The following DPP6 variants were observed in gnomAD, a reference collection of about 807,000 sequenced individuals.
DPP6 encodes the protein A-type potassium channel modulatory protein DPP6.
DPP6 carries 69 observed loss-of-function variants against 122.6 expected under a neutral mutation model. That is an observed-to-expected ratio of 0.56 (90% CI 0.46 to 0.69). The LOEUF is 0.69. DPP6 is among the 30% of genes least tolerant of loss of function. The pLI is 0.00. For missense variants in DPP6, 928 were observed against 1,116.9 expected (o/e 0.83, Z 2.41); for synonymous variants, 418 against 433.1 (o/e 0.97, Z 0.43).
At chr7:153,936,364 G>C (rs1414352712) in intron 1 of DPP6, among the ~76,000 whole-genome samples, 3 of 152,176 alleles carry the variant, frequency 2.0e-5, no homozygotes, top group Non-Finnish European at 4.4e-5. Context: ...GCCAGGATGG[G>C]GCTGGGGTGG....
chr7:154,053,498 T>G (rs373632591), intron 1 of DPP6, among the ~76,000 whole-genome samples: 2 of 151,078 alleles, frequency 1.3e-5, no homozygotes, highest in South Asian at 4.2e-4. Context: ...CTCCCACCTG[T>G]GTCTGGAATC....
intron 1 of DPP6, among the ~76,000 whole-genome samples, chr7:154,245,487 T>C (rs1055898643): frequency 6.6e-6 from 1 of 151,258 alleles, no homozygotes; most frequent in Admixed American, 6.6e-5. Flanking sequence ...ATACAAAAAT[T>C]AGCCAGGCAT....
intron 1 of DPP6, among the ~76,000 whole-genome samples, chr7:154,234,619 C>G (rs1234343220): frequency 6.6e-6 from 1 of 152,134 alleles, no homozygotes; most frequent in African/African-American, 2.4e-5. Context: ...ATACCCAACA[C>G]ACACACAGAC....
intron 1 of DPP6, among the ~76,000 whole-genome samples, chr7:153,967,856 T>C (rs1225737135): frequency 6.6e-6 from 1 of 151,978 alleles, no homozygotes; most frequent in African/African-American, 2.4e-5. Flanking sequence ...GAAAAACAGC[T>C]GAGTTAGTGA....
chr7:153,857,816 C>T, the DPP6 span, among the ~76,000 whole-genome samples: 2 of 152,142 alleles, frequency 1.3e-5, no homozygotes, highest in African/African-American at 4.8e-5. Flanking sequence ...AGTGCTAAAA[C>T]CTCTTTAAGA....
At chr7:153,800,568 A>G in the DPP6 span, among the ~76,000 whole-genome samples, 2 of 152,156 alleles carry the variant, frequency 1.3e-5, no homozygotes, top group South Asian at 4.2e-4. Context: ...CCAGGCTGGA[A>G]TGTAGCGGCA....
chr7:154,155,718 T>C (rs772557723), intron 1 of DPP6, among the ~76,000 whole-genome samples: 49 of 152,320 alleles, frequency 3.2e-4, no homozygotes, highest in Admixed American at 2.0e-3. Flanking sequence ...AACCTATAAG[T>C]TTCAGAATGT....
At chr7:154,645,061 G>C (rs1395403426) in intron 6 of DPP6, among the ~76,000 whole-genome samples, 1 of 121,854 alleles carries the variant, frequency 8.2e-6, no homozygotes, top group South Asian at 2.7e-4. Context: ...TTATTTGTTG[G>C]TTTTTTTTTT....
chr7:154,833,833 G>A lies in DPP6; in HGVS notation c.1667-19947G>A, dbSNP rs1800821539. 6.6e-6 allele frequency among the ~76,000 whole-genome samples: 1 copy of A among 152,168 alleles called. No homozygotes were observed. The highest frequency in any genetic ancestry group is 1.5e-5 in the Non-Finnish European group (1 of 68,034). On this transcript the variant is annotated intron_variant, in intron 16 of 25. Coordinates refer to ENST00000377770, the MANE Select transcript of DPP6 (RefSeq NM_130797.4). The surrounding 1 kb of genome is among the most constrained non-coding windows in gnomAD (Gnocchi z 4.3). ...ATTTAAGGACAAAGGAAAATTATGT[G>A]GACAAAGGAGTTTTATTTTCTTTCT...
In DPP6 at chr7:154,408,956, C is replaced by T. The variant is rs1427359595; in HGVS notation, c.244-37258C>T. On this transcript the variant is annotated intron_variant, in intron 1 of 25. Coordinates refer to ENST00000377770, the MANE Select transcript of DPP6 (RefSeq NM_130797.4). ...AGGAGTTCAAGACCAGCCTGACCAACATGGTGAAACCACATCTGTACTAAA... is the reference window on the plus strand; with the variant it reads ...AGGAGTTCAAGACCAGCCTGACCAATATGGTGAAACCACATCTGTACTAAA... Among the ~76,000 whole-genome samples the T allele has an allele frequency of 2.0e-5, 3 of 152,200 alleles. No individual in the cohort carries two copies. The South Asian group carries it at 6.2e-4, about 32-fold the overall frequency.
At chr7:154,816,883 G>C (rs942608020) in intron 16 of DPP6, among the ~76,000 whole-genome samples, 1 of 152,184 alleles carries the variant, frequency 6.6e-6, no homozygotes, top group African/African-American at 2.4e-5. Flanking sequence ...TAAATCAACT[G>C]TCAGGCATGG....
At chr7:154,858,863 C>T (rs569671995) in intron 17 of DPP6, among the ~76,000 whole-genome samples, 6 of 152,296 alleles carry the variant, frequency 3.9e-5, no homozygotes, top group East Asian at 1.9e-4. Flanking sequence ...TGAATGTAAT[C>T]GTAGCAGCAG....
At chr7:154,463,496 C>T (rs948995579) in intron 2 of DPP6, among the ~76,000 whole-genome samples, 13 of 152,042 alleles carry the variant, frequency 8.6e-5, no homozygotes, top group South Asian at 2.1e-4. Flanking sequence ...CGTGAGCCAC[C>T]GCGCCCAGCC....
At chr7:153,938,391 A>C (rs985537376) in intron 1 of DPP6, among the ~76,000 whole-genome samples, 3 of 152,338 alleles carry the variant, frequency 2.0e-5, no homozygotes, top group African/African-American at 7.2e-5. Flanking sequence ...AGGCACTGAA[A>C]TCCTTTTAGG....
At chr7:153,793,687 C>T in the DPP6 span, among the ~76,000 whole-genome samples, 1 of 149,892 alleles carries the variant, frequency 6.7e-6, no homozygotes, top group African/African-American at 2.5e-5. Context: ...CAGAGGTCTT[C>T]ATGGTAGCCC....
chr7:154,595,829 G>A (rs193030298), intron 5 of DPP6, among the ~76,000 whole-genome samples: 6 of 152,368 alleles, frequency 3.9e-5, no homozygotes, highest in Non-Finnish European at 8.8e-5. Context: ...AGGAGGCTGA[G>A]GCGGGCAGAT....
At position 154,224,034 on chromosome 7, in the gene DPP6, A is replaced by G. The variant is rs762391381; in HGVS notation, c.243+170971A>G. Among the ~76,000 whole-genome samples, 3 of 147,022 alleles carry G rather than the reference A, an allele frequency of 2.0e-5. 1 individual carries two copies. Among genetic ancestry groups the G allele is most frequent in the Non-Finnish European group, 1.5e-5 (1 of 67,338 alleles). On this transcript the variant is annotated intron_variant, in intron 1 of 25. Coordinates refer to ENST00000377770, the MANE Select transcript of DPP6 (RefSeq NM_130797.4). ...TGTTCCTAGGAGAACACTGTGGCCC[A>G]GGAGGAGACACACAGCCTGACTATC...
chr7:154,094,806 G>A (rs532307065), intron 1 of DPP6: 3 of 152,318 alleles, frequency 2.0e-5, no homozygotes, highest in South Asian at 4.1e-4. Context: ...GGCAGGCCTC[G>A]CTGCTGAGAG....
At chr7:154,311,063 T>C (rs1023326496) in intron 1 of DPP6, among the ~76,000 whole-genome samples, 3 of 152,206 alleles carry the variant, frequency 2.0e-5, no homozygotes, top group African/African-American at 7.2e-5. Flanking sequence ...GTTGACATCC[T>C]TGCTTGTAAA....
Sources: gnomAD v4.1 joint callset for allele counts (sites outside exome capture counted in the v4.1 genomes callset) on GRCh38, gnomAD v4.1.1 for gene constraint, Gnocchi (gnomAD v3.1) non-coding constraint, MANE v1.5 for transcripts, NCBI Gene and HGNC (gene_info 2026-07-23, HGNC 2026-07-21) for gene names.